Variants in HTR4 observed in about 807,000 individuals in gnomAD.
HTR4 encodes the protein 5-hydroxytryptamine receptor 4.
A neutral mutation model predicts 36.8 loss-of-function variants in HTR4; 16 were observed. That is an observed-to-expected ratio of 0.43 (90% confidence interval 0.29 to 0.66). The LOEUF (loss-of-function observed/expected upper bound fraction) is 0.66, where lower values mean the gene tolerates loss of function less well. Ranked by LOEUF, HTR4 falls within the 30% of genes least tolerant of loss-of-function variation. The pLI, the probability that HTR4 is intolerant of heterozygous loss-of-function variation, is 0.13. For missense variants in HTR4, 438 were observed against 490.9 expected (o/e 0.89, Z 1.02); for synonymous variants, 189 against 185.1 (o/e 1.02, Z -0.17).
At chr5:148,576,129 A>G (rs896822311) in intron 2 of HTR4, among the ~76,000 whole-genome samples, 2 of 143,876 alleles carry the variant, frequency 1.4e-5, no homozygotes, top group South Asian at 4.4e-4. Flanking sequence ...AAAAAAAAAA[A>G]AAAACAAAAT....
chr5:148,509,219 G>A (rs959872879), intron 6 of HTR4: 4 of 443,336 alleles, frequency 9.0e-6, no homozygotes, highest in South Asian at 5.5e-5. Flanking sequence ...ATGTTTAAAC[G>A]ACCTGCCCAA....
At chr5:148,492,641 G>A (rs1387038527) in intron 6 of HTR4, among the ~76,000 whole-genome samples, 1 of 152,224 alleles carries the variant, frequency 6.6e-6, no homozygotes, top group Non-Finnish European at 1.5e-5. Flanking sequence ...TTGATTGAGT[G>A]CTTTCTGTGT....
downstream of HTR4, among the ~76,000 whole-genome samples, chr5:148,472,260 G>A (rs928261578): frequency 3.3e-5 from 5 of 152,192 alleles, no homozygotes; most frequent in African/African-American, 1.2e-4. Context: ...TGCATTACTA[G>A]CACTTAGCAC....
intron 4 of HTR4, among the ~76,000 whole-genome samples, chr5:148,524,979 G>A (rs1758195936): frequency 6.6e-6 from 1 of 152,170 alleles, no homozygotes; most frequent in Non-Finnish European, 1.5e-5. Context: ...AAGGCACTGA[G>A]GAGCAGCTGA....
rs181988503 is a variant in HTR4 at position 148,468,110 on chromosome 5, G to A, written c.1077-16838C>T. On this transcript the variant is annotated intron_variant, in intron 5 of 5. Transcript: ENST00000521530. ...GTAGGTCACAGGCCTAGGAAGCAGC[G>A]CAGGTGGCTGTTGTGTTAGCTGTTG... 9.2e-5 allele frequency among the ~76,000 whole-genome samples: 14 copies of A among 152,342 alleles called. No individual in the cohort carries two copies. In the East Asian group the frequency reaches 2.3e-3, roughly 25 times the overall value.
chr5:148,458,494 G>A (rs918109698), intron 5 of HTR4, among the ~76,000 whole-genome samples: 1 of 152,128 alleles, frequency 6.6e-6, no homozygotes, highest in South Asian at 2.1e-4. Context: ...ATAGCTACAA[G>A]TAGTGTCAGG....
chr5:148,540,070 G>A (rs1581446069), intron 4 of HTR4, among the ~76,000 whole-genome samples: 1 of 152,000 alleles, frequency 6.6e-6, no homozygotes, highest in African/African-American at 2.4e-5. Context: ...GTCTTTTGCA[G>A]GAACATGGAT....
At chr5:148,460,785 C>A (rs909484598) in intron 5 of HTR4, among the ~76,000 whole-genome samples, 1 of 151,966 alleles carries the variant, frequency 6.6e-6, no homozygotes, top group Non-Finnish European at 1.5e-5. Flanking sequence ...AGGTAGATAA[C>A]AGATTGTTCA....
chr5:148,465,913 A>T, intron 5 of HTR4: 1 of 1,613,614 alleles, frequency 6.2e-7, no homozygotes, highest in Non-Finnish European at 8.5e-7. Context: ...AGCTGGAGAC[A>T]GGGGAACAGC....
intron 2 of HTR4, among the ~76,000 whole-genome samples, chr5:148,582,793 A>G (rs1047483748): frequency 1.6e-4 from 25 of 152,142 alleles, no homozygotes; most frequent in Non-Finnish European, 3.1e-4. Flanking sequence ...TTGTATCCTG[A>G]GACTTTGCTG....
At chr5:148,596,479 C>T (rs1027835006) in intron 2 of HTR4, among the ~76,000 whole-genome samples, 4 of 152,160 alleles carry the variant, frequency 2.6e-5, no homozygotes, top group African/African-American at 4.8e-5. Flanking sequence ...TCCCCCCATT[C>T]CCGTTGTCTC....
chr5:148,477,973 C>A (rs1234096971), downstream of HTR4, among the ~76,000 whole-genome samples: 1 of 152,200 alleles, frequency 6.6e-6, no homozygotes, highest in Non-Finnish European at 1.5e-5. Flanking sequence ...CCTTGCCCAT[C>A]TCTATTTTTT....
chr5:148,509,257 G>A, intron 6 of HTR4, 199 bp downstream of exon 6: 2 of 515,338 alleles, frequency 3.9e-6, no homozygotes, highest in East Asian at 6.1e-5. Flanking sequence ...GACTTGATTA[G>A]AATTCAAGTC....
chr5:148,604,967 T>C (rs893564197), intron 2 of HTR4, among the ~76,000 whole-genome samples: 1 of 152,182 alleles, frequency 6.6e-6, no homozygotes, highest in Non-Finnish European at 1.5e-5. Flanking sequence ...ATATACTAAA[T>C]GAGATAATAA....
At chr5:148,465,835 C>CA in intron 5 of HTR4, 1 of 1,604,976 alleles carries the variant, frequency 6.2e-7, no homozygotes, top group Non-Finnish European at 8.5e-7. Flanking sequence ...TCACAACAGA[C>CA]AGTGACAGAC....
intron 5 of HTR4, among the ~76,000 whole-genome samples, chr5:148,522,275 GA>G (rs1346178225): frequency 2.0e-5 from 3 of 152,054 alleles, no homozygotes; most frequent in African/African-American, 7.2e-5. Flanking sequence ...TGTAAAAATG[GA>G]CTAGTACATC....
At chr5:148,479,007 T>A (rs1399866054), downstream of HTR4, among the ~76,000 whole-genome samples, 1 of 151,594 alleles carries the variant, frequency 6.6e-6, no homozygotes, top group Middle Eastern at 3.2e-3. Context: ...CCCCTCCAGT[T>A]TTTTTTTTCT....
chr5:148,646,921 A>G (rs1251396973), intron 1 of HTR4, among the ~76,000 whole-genome samples: 1 of 152,086 alleles, frequency 6.6e-6, no homozygotes, highest in Non-Finnish European at 1.5e-5. Context: ...ACAACAAAAA[A>G]CCCAGATCTC....
chr5:148,652,395 C>T (rs57644098), intron 1 of HTR4, among the ~76,000 whole-genome samples: 29,457 of 151,938 alleles, frequency 0.19, 3,409 homozygotes, highest in East Asian at 0.4. Context: ...AATCAGGAAG[C>T]GTCTTGGGGT....
Sources: gnomAD v4.1 joint callset for allele counts (sites outside exome capture counted in the v4.1 genomes callset) on GRCh38, gnomAD v4.1.1 for gene constraint, MANE v1.5 for transcripts, NCBI Gene and HGNC (gene_info 2026-07-23, HGNC 2026-07-21) for gene names.